Variants in PRRC2C observed in about 807,000 individuals in gnomAD.
The protein encoded by PRRC2C is protein PRRC2C.
In PRRC2C, 72 loss-of-function variants were observed where a neutral mutation model predicts 317.2. The observed-to-expected ratio is 0.23, with a 90% confidence interval of 0.19 to 0.28. PRRC2C has a LOEUF of 0.28. PRRC2C is among the 10% of genes least tolerant of loss of function. The probability of loss-of-function intolerance (pLI) is 1.00; values close to 1 mark genes in which losing one functional copy is unlikely to be tolerated. For missense variants in PRRC2C, 3,074 were observed against 3,459.7 expected (o/e 0.89, Z 2.80); for synonymous variants, 1,296 against 1,205.9 (o/e 1.07, Z -1.55).
At chr1:171,513,655 A>G (rs989263586) in intron 3 of PRRC2C, among the ~76,000 whole-genome samples, 2 of 152,220 alleles carry the variant, frequency 1.3e-5, no homozygotes, top group Admixed American at 1.3e-4. Flanking sequence ...CCTTCTTTCA[A>G]CAACTATTTA....
In PRRC2C at chr1:171,583,114, C is replaced by T. The variant is rs1423877141; in HGVS notation, c.7410-842C>T. 2.6e-5 allele frequency among the ~76,000 whole-genome samples: 4 copies of T among 152,056 alleles called. No homozygotes were observed. In the East Asian group the frequency reaches 7.7e-4, roughly 29 times the overall value. The stretch of plus-strand genomic sequence containing the variant: ...TCAGCTTCCCAAGTAGCTAGGACTA[C>T]AGGCACTTGCTACCATGCCCACCTA... On this transcript the variant is annotated intron_variant, in intron 28 of 34. Transcript: ENST00000647382.
chr1:171,511,855 C>A (rs887634063), intron 1 of PRRC2C, 177 bp from the exon 2 acceptor site: 3 of 345,262 alleles, frequency 8.7e-6, no homozygotes, highest in African/African-American at 2.1e-5. Context: ...TGATATGTTT[C>A]ACAAGTGCAT....
At chr1:171,576,627 C>G (rs911126521) in intron 25 of PRRC2C, among the ~76,000 whole-genome samples, 1 of 152,028 alleles carries the variant, frequency 6.6e-6, no homozygotes, top group Non-Finnish European at 1.5e-5. Context: ...AAAGGTATTA[C>G]TATATACCAG....
chr1:171,492,178 A>G (rs1183919558), intron 1 of PRRC2C, among the ~76,000 whole-genome samples: 1 of 152,240 alleles, frequency 6.6e-6, no homozygotes, highest in Non-Finnish European at 1.5e-5. Flanking sequence ...TACAGAATGT[A>G]GAAAGATAAA....
In PRRC2C at chr1:171,579,939, T is replaced by C. The variant is rs1648134212; in HGVS notation, c.7384T>C (p.Phe2462Leu). ...GPAVSQAQEL[F>L]SSSLQPYRSQ... The stretch of plus-strand genomic sequence containing the variant: ...TGCTGTTTCCCAGGCTCAGGAATTG[T>C]TCAGCTCCTCACTTCAACCATATAG... The change falls in exon 28 of 35, where the codon TTC becomes CTC. Residue 2462 changes from phenylalanine to leucine, a missense_variant. Coordinates refer to ENST00000647382, the MANE Select transcript of PRRC2C (RefSeq NM_001387844.1). 6.3e-7 allele frequency: 1 copy of C among 1,578,118 alleles called. No individual in the cohort carries two copies. Among genetic ancestry groups the C allele is most frequent in the South Asian group, 1.2e-5 (1 of 84,474 alleles).
rs768225907 is a variant in PRRC2C, at chr1:171,535,642, T to A, written c.2043+45T>A. The A allele has an allele frequency of 1.9e-6, 3 of 1,583,380 alleles. No individual in the cohort carries two copies. The South Asian group carries it at 3.4e-5, about 18-fold the overall frequency. On this transcript the variant is annotated intron_variant, in intron 13 of 34. Transcript: ENST00000647382. Reference sequence around the variant, plus strand: ...ATCATGTATGTGTGATTGAAGTGGTTTATTATGCAGTAGTCTGGGAAATTA... The same window carrying A: ...ATCATGTATGTGTGATTGAAGTGGTATATTATGCAGTAGTCTGGGAAATTA...
Position 171,541,475 on chromosome 1 carries a change from C to T in PRRC2C, c.4009C>T (p.Pro1337Ser). ...CGATAAAGCTAAACCAGGCTTTCTT[C>T]CTAAAGGAGAGCCTACAAGGAGAGG... is the stretch of plus-strand genomic sequence containing the variant. The part of the protein sequence containing the change: ...DDDKAKPGFL[P>S]KGEPTRRGRG... Residue 1337 changes from proline (P) to serine (S), a missense_variant, in exon 16 of 35, where the codon CCT becomes TCT. By Grantham distance (74) the Pro-to-Ser change is moderately conservative. Coordinates refer to ENST00000647382, the MANE Select transcript of PRRC2C (RefSeq NM_001387844.1). This position sits in a 1 kb window ranked among gnomAD's most constrained non-coding sequence, Gnocchi z 4.1. 6.2e-7 allele frequency: 1 copy of T among 1,613,628 alleles called. No individual in the cohort carries two copies. The highest frequency in any genetic ancestry group is 8.5e-7 in the Non-Finnish European group (1 of 1,179,734).
chr1:171,585,286 A>C (rs560660415), intron 30 of PRRC2C, among the ~76,000 whole-genome samples: 1 of 152,322 alleles, frequency 6.6e-6, no homozygotes, highest in South Asian at 2.1e-4. Flanking sequence ...GGTTAGCTAT[A>C]CATACAACAG....
At chr1:171,488,532 T>TG (rs2102007263) in intron 1 of PRRC2C, among the ~76,000 whole-genome samples, 1 of 152,348 alleles carries the variant, frequency 6.6e-6, no homozygotes, top group Admixed American at 6.5e-5. Context: ...CTAACTCTGT[T>TG]GCCCTGGCTG....
chr1:171,502,184 G>C (rs1333804194), intron 1 of PRRC2C, among the ~76,000 whole-genome samples: 2 of 152,198 alleles, frequency 1.3e-5, no homozygotes, highest in Admixed American at 1.3e-4. Context: ...TCTCCTGCCT[G>C]TCTCCCTGAG....
intron 16 of PRRC2C, among the ~76,000 whole-genome samples, chr1:171,543,593 G>C (rs1410993387): frequency 6.6e-6 from 1 of 152,134 alleles, no homozygotes; most frequent in Non-Finnish European, 1.5e-5. Context: ...TGCTTTTAGA[G>C]CAATTGCCAG....
chr1:171,550,059 A>G (rs771668876), intron 17 of PRRC2C, 27 bp from the exon 18 acceptor site: 5 of 1,532,142 alleles, frequency 3.3e-6, no homozygotes, highest in Non-Finnish European at 4.4e-6. Context: ...AACAGAAAAT[A>G]TCTTAAATCC....
intron 27 of PRRC2C, 121 bp downstream of exon 27, chr1:171,579,587 A>G: frequency 6.3e-6 from 9 of 1,428,892 alleles, no homozygotes; most frequent in Non-Finnish European, 8.2e-6. Flanking sequence ...TTAGCTTGAT[A>G]TTCTATAAGC....
intron 15 of PRRC2C, among the ~76,000 whole-genome samples, chr1:171,538,527 T>C (rs1403074567): frequency 6.6e-6 from 1 of 152,166 alleles, no homozygotes; most frequent in Non-Finnish European, 1.5e-5. Flanking sequence ...TTATGGGCTA[T>C]ATTTTTTTGG....
chr1:171,575,739 G>T (rs1252235183), intron 25 of PRRC2C, among the ~76,000 whole-genome samples: 1 of 152,116 alleles, frequency 6.6e-6, no homozygotes, highest in African/African-American at 2.4e-5. Context: ...AAGAAACACA[G>T]ATGTTTCCAA....
intron 11 of PRRC2C, among the ~76,000 whole-genome samples, chr1:171,528,253 G>T (rs948891595): frequency 6.7e-6 from 1 of 149,180 alleles, no homozygotes; most frequent in Non-Finnish European, 1.5e-5. Flanking sequence ...CCATTGCAGT[G>T]TCTACCCTAT....
chr1:171,506,418 G>GT (rs1670232149), intron 1 of PRRC2C, among the ~76,000 whole-genome samples: 1 of 152,014 alleles, frequency 6.6e-6, no homozygotes. Context: ...ATGGGCTTTG[G>GT]TGTGGGTTCT....
intron 11 of PRRC2C, among the ~76,000 whole-genome samples, chr1:171,529,196 A>G: frequency 6.6e-6 from 1 of 152,070 alleles, no homozygotes; most frequent in East Asian, 1.9e-4. Flanking sequence ...GTGTTGGAGC[A>G]CTCAGCCTTT....
chr1:171,517,736 T>G lies in PRRC2C; in HGVS notation c.672T>G (p.Ala224=). The G allele has an allele frequency of 6.2e-7, 1 of 1,613,810 alleles. No homozygotes were observed. The highest frequency in any genetic ancestry group is 8.5e-7 in the Non-Finnish European group (1 of 1,179,862). The change falls in exon 6 of 35, where the codon GCT becomes GCG. Residue 224 remains alanine, a synonymous_variant. Coordinates refer to ENST00000647382, the MANE Select transcript of PRRC2C (RefSeq NM_001387844.1). Reference sequence around the variant, plus strand: ...TCAAAGTGGTGGAAAAGAGGATAGCTTGTGGTCCTCCACAGGCTAAACTGA... The same window carrying G: ...TCAAAGTGGTGGAAAAGAGGATAGCGTGTGGTCCTCCACAGGCTAAACTGA... ...DILKVVEKRI[A]CGPPQAKLNG...
Sources: gnomAD v4.1 joint callset for allele counts (sites outside exome capture counted in the v4.1 genomes callset) on GRCh38, gnomAD v4.1.1 for gene constraint, Gnocchi (gnomAD v3.1) non-coding constraint, MANE v1.5 for transcripts, NCBI Gene and HGNC (gene_info 2026-07-23, HGNC 2026-07-21) for gene names.